Variants in RAMP1 observed in about 807,000 individuals in gnomAD.
RAMP1 encodes receptor activity-modifying protein 1.
A neutral mutation model predicts 8.2 loss-of-function variants in RAMP1; 7 were observed. The observed-to-expected ratio is 0.85, with a 90% CI of 0.49 to 1.60. The LOEUF (loss-of-function observed/expected upper bound fraction) is 1.60, where lower values mean the gene tolerates loss of function less well. Among genes scored for constraint, RAMP1 ranks in the 40% most tolerant of loss-of-function variants. RAMP1 has a pLI of 0.00. For missense variants in RAMP1, 192 were observed against 202.4 expected, an observed-to-expected ratio of 0.95 and a Z score of 0.31; for synonymous variants, 92 against 84.7, an observed-to-expected ratio of 1.09 and a Z score of -0.47.
intron 1 of RAMP1, among the ~76,000 whole-genome samples, chr2:237,860,165 A>G (rs977253848): frequency 1.3e-5 from 2 of 152,210 alleles, no homozygotes; most frequent in Non-Finnish European, 2.9e-5. Flanking sequence ...GCAGACGGGC[A>G]CCTTGCAGAA....
At chr2:237,880,091 C>G (rs547100149) in intron 2 of RAMP1, among the ~76,000 whole-genome samples, 1 of 152,126 alleles carries the variant, frequency 6.6e-6, no homozygotes, top group Non-Finnish European at 1.5e-5. Context: ...CTGCCAGCCC[C>G]TGGGGTCTGC....
At chr2:237,859,492 G>A (rs150853679), upstream of RAMP1, 385 of 189,468 alleles carry the variant, frequency 2.0e-3, 13 homozygotes, top group East Asian at 0.057. Context: ...TACCGGCCCT[G>A]GGCGCCCCCG....
upstream of RAMP1, chr2:237,859,221 G>C (rs2062107340): frequency 6.6e-6 from 1 of 152,374 alleles, no homozygotes; most frequent in South Asian, 2.1e-4. Flanking sequence ...CCTGGGCGGA[G>C]AGGTAGATAA....
At chr2:237,901,978 T>C (rs1345380001) in intron 2 of RAMP1, among the ~76,000 whole-genome samples, 1 of 151,722 alleles carries the variant, frequency 6.6e-6, no homozygotes, top group Non-Finnish European at 1.5e-5. Flanking sequence ...AGGGCACCCT[T>C]GAGGGAAAGG....
chr2:237,906,708 T>C (rs1194592146), intron 2 of RAMP1, among the ~76,000 whole-genome samples: 1 of 146,522 alleles, frequency 6.8e-6, no homozygotes, highest in South Asian at 2.2e-4. Context: ...AAGGTTCTTA[T>C]ATCAACCTCT....
At chr2:237,890,736 C>T (rs540184493) in intron 2 of RAMP1, among the ~76,000 whole-genome samples, 118 of 151,896 alleles carry the variant, frequency 7.8e-4, no homozygotes, top group Middle Eastern at 3.4e-3. Flanking sequence ...TATTCCTTTA[C>T]GTGTTTAATA....
intron 1 of RAMP1, among the ~76,000 whole-genome samples, chr2:237,871,091 G>A (rs972989311): frequency 2.6e-5 from 4 of 152,308 alleles, no homozygotes; most frequent in East Asian, 3.9e-4. Flanking sequence ...CCTGGCCCAC[G>A]GCCCCGAGGA....
In RAMP1 at chr2:237,877,650, C is replaced by T. The variant is rs187845377; in HGVS notation, c.191+288C>T. Among the ~76,000 whole-genome samples, 4 of 152,246 alleles carry T rather than the reference C, an allele frequency of 2.6e-5. No homozygotes were observed. The highest frequency in any genetic ancestry group is 4.4e-5 in the Non-Finnish European group (3 of 67,998). On this transcript the variant is annotated intron_variant, in intron 2 of 2. Coordinates refer to ENST00000254661, the MANE Select transcript of RAMP1 (RefSeq NM_005855.4). This position sits in a 1 kb window ranked among gnomAD's most constrained non-coding sequence, Gnocchi z 4.4. Reference sequence around the variant, plus strand: ...TGCCCGCGGCCTCTCCAAGGGCAGGCGCCTGGGGAATGACTGAGAGTAGGG... The same window carrying T: ...TGCCCGCGGCCTCTCCAAGGGCAGGTGCCTGGGGAATGACTGAGAGTAGGG...
chr2:237,892,673 C>G (rs2062498332), intron 2 of RAMP1, among the ~76,000 whole-genome samples: 2 of 152,090 alleles, frequency 1.3e-5, no homozygotes, highest in African/African-American at 4.8e-5. Flanking sequence ...CTTACATTGT[C>G]CAACCACACA....
chr2:237,877,489 T>TG lies in RAMP1; in HGVS notation c.191+135dup, dbSNP rs3214634. On this transcript the variant is annotated intron_variant, in intron 2 of 2. Transcript: ENST00000254661. This position sits in a 1 kb window ranked among gnomAD's most constrained non-coding sequence, Gnocchi z 4.4. The stretch of plus-strand genomic sequence containing the variant: ...GACCCCGGAAGGGTTCTTCCCCCAG[T>TG]GGGGGGGGCCGGGATGAAGACAGAG... 1,540 of 1,287,114 alleles carry TG rather than the reference T, an allele frequency of 1.2e-3. No individual in the cohort carries two copies. Among genetic ancestry groups the TG allele is most frequent in the Middle Eastern group, 1.6e-3 (6 of 3,680 alleles). 79.7% of individuals were successfully genotyped at this position (1,287,114 alleles called of 1,614,324 possible). A position where few individuals can be genotyped will look rare whatever the true frequency, so the allele number is the denominator to read the frequency against.
Position 237,865,602 on chromosome 2 carries a change from T to C in RAMP1, c.52+5875T>C, listed in dbSNP as rs577481575. Among the ~76,000 whole-genome samples, 1 of 152,290 alleles carries C rather than the reference T, an allele frequency of 6.6e-6. No individual in the cohort carries two copies. The highest frequency in any genetic ancestry group is 6.5e-5 in the Admixed American group (1 of 15,306). On this transcript the variant is annotated intron_variant, in intron 1 of 2. Transcript: ENST00000254661. This position sits in a 1 kb window ranked among gnomAD's most constrained non-coding sequence, Gnocchi z 4.2. ...CATGGGGTTCAGCGTTCCCCTTGGA[T>C]TCTGAGGGGTGATGGTACGTAGACA...
chr2:237,887,449 G>T (rs1003457002), intron 2 of RAMP1, among the ~76,000 whole-genome samples: 1 of 152,212 alleles, frequency 6.6e-6, no homozygotes, highest in Admixed American at 6.5e-5. Context: ...CTTGGGACAG[G>T]CCTTGGGTCT....
At chr2:237,892,179 C>A (rs1394717239) in intron 2 of RAMP1, among the ~76,000 whole-genome samples, 1 of 152,102 alleles carries the variant, frequency 6.6e-6, no homozygotes, top group Non-Finnish European at 1.5e-5. Context: ...AATCTTCAGG[C>A]ACTCCAATTT....
chr2:237,896,212 GGGCGCTGCCCA>G (rs2062540850), intron 2 of RAMP1, among the ~76,000 whole-genome samples: 1 of 152,240 alleles, frequency 6.6e-6, no homozygotes, highest in African/African-American at 2.4e-5. Context: ...CCAGGAGCCA[GGGCGCTGCCCA>G]GGCCTGTTCT....
At chr2:237,885,868 C>T (rs933119559) in intron 2 of RAMP1, among the ~76,000 whole-genome samples, 33 of 152,190 alleles carry the variant, frequency 2.2e-4, no homozygotes, top group Admixed American at 1.2e-3. Context: ...CACGGAAACC[C>T]GGCTGCTGAC....
Position 237,911,801 on chromosome 2 carries a change from C to T in RAMP1, c.*18C>T, listed in dbSNP as rs749703367. 49 of 1,577,228 alleles carry T rather than the reference C, an allele frequency of 3.1e-5. No homozygotes were observed. The African/African-American group carries it at 3.5e-4, about 11-fold the overall frequency. On this transcript the variant is annotated 3_prime_UTR_variant, in exon 3 of 3. Coordinates refer to ENST00000254661, the MANE Select transcript of RAMP1 (RefSeq NM_005855.4). Reference sequence around the variant, plus strand: ...TTGTGTAGGCGGGGCCCAGGCTGCCCGCGGGTGCACCCAGGCTGCAGGGTG... The same window carrying T: ...TTGTGTAGGCGGGGCCCAGGCTGCCTGCGGGTGCACCCAGGCTGCAGGGTG...
rs144840473 is a variant in RAMP1 at position 237,883,558 on chromosome 2, G to A, written c.191+6196G>A. On this transcript the variant is annotated intron_variant, in intron 2 of 2. Transcript: ENST00000254661. ...TGGCCTGGTGCAGTGGCTTTCGCCT[G>A]TAATCCCAACACTTTGGGAGGCCAA... Among the ~76,000 whole-genome samples the A allele has an allele frequency of 5.8e-3, 879 of 152,336 alleles. 6 individuals are homozygous for A. The highest frequency in any genetic ancestry group is 0.02 in the African/African-American group (839 of 41,576).
intron 1 of RAMP1, among the ~76,000 whole-genome samples, chr2:237,866,881 A>G (rs1261420159): frequency 6.6e-6 from 1 of 152,028 alleles, no homozygotes; most frequent in African/African-American, 2.4e-5. Context: ...GGTGCCCGCT[A>G]CCATGCCCGG....
intron 2 of RAMP1, among the ~76,000 whole-genome samples, chr2:237,898,505 G>T (rs890253828): frequency 3.3e-5 from 5 of 152,220 alleles, no homozygotes; most frequent in Non-Finnish European, 7.3e-5. Flanking sequence ...AGTTCCAGGT[G>T]TGCACAGCTG....
Sources: gnomAD v4.1 joint callset for allele counts (sites outside exome capture counted in the v4.1 genomes callset) on GRCh38, gnomAD v4.1.1 for gene constraint, Gnocchi (gnomAD v3.1) non-coding constraint, MANE v1.5 for transcripts, NCBI Gene and HGNC (gene_info 2026-07-23, HGNC 2026-07-21) for gene names.